Variants in PRKDC observed in about 807,000 individuals in gnomAD.
The protein encoded by PRKDC is protein kinase, DNA-activated, catalytic subunit, also known as DNA-dependent protein kinase catalytic subunit.
PRKDC carries 82 observed loss-of-function variants against 486.9 expected under a neutral mutation model. That is an observed-to-expected ratio of 0.17 (90% CI 0.14 to 0.20). The LOEUF is 0.20. Ranked by LOEUF, PRKDC falls within the 10% of genes least tolerant of loss-of-function variation. PRKDC has a pLI of 1.00. For synonymous variants in PRKDC, 1,895 were observed against 1,837.0 expected (o/e 1.03, Z -0.81); for missense variants, 4,504 against 5,038.2 (o/e 0.89, Z 3.21).
In PRKDC at chr8:47,889,225, G is replaced by A. The variant is rs1347801687; in HGVS notation, c.4072-3C>T. On this transcript the variant is annotated splice_region_variant and splice_polypyrimidine_tract_variant and intron_variant, in intron 32 of 85. Transcript: ENST00000314191. ...TTACACAAGTCCTTCTTCAGGAGCTGTAACAGATTGTTTGATAAAAACACT... is the reference window on the plus strand; with the variant it reads ...TTACACAAGTCCTTCTTCAGGAGCTATAACAGATTGTTTGATAAAAACACT... 6.3e-7 allele frequency: 1 copy of A among 1,589,664 alleles called. No homozygotes were observed. Among genetic ancestry groups the A allele is most frequent in the Non-Finnish European group, 8.6e-7 (1 of 1,167,216 alleles).
In PRKDC at chr8:47,929,937, T is replaced by C. The variant is rs375910031; in HGVS notation, c.1968A>G (p.Gln656=). Residue 656 remains glutamine (Q), a synonymous_variant, in exon 18 of 86, where the codon CAA becomes CAG. Coordinates refer to ENST00000314191, the MANE Select transcript of PRKDC (RefSeq NM_006904.7). ...CACTGATGAGGGGCAACCTTGTAGA[T>C]TGCAAAATTAATTCATATGAAAATG... ...VYSFSYELIL[Q]STRLPLISGF... 6.1e-5 allele frequency: 99 copies of C among 1,611,282 alleles called. No homozygotes were observed. The African/African-American group carries it at 6.9e-4, about 11-fold the overall frequency.
intron 41 of PRKDC, 101 bp downstream of exon 41, chr8:47,864,455 C>T (rs1048068256): frequency 1.8e-6 from 2 of 1,098,924 alleles, no homozygotes; most frequent in African/African-American, 1.6e-5. Flanking sequence ...TGGCACACTC[C>T]TTGAACAGCA....
At chr8:47,852,880 G>A in intron 51 of PRKDC, 96 bp from the exon 52 acceptor site, 4 of 797,980 alleles carry the variant, frequency 5.0e-6, no homozygotes, top group Admixed American at 4.9e-5. Context: ...CATATTGACA[G>A]CCTAAGTTGA....
chr8:47,876,956 C>T (rs2089104225), intron 40 of PRKDC, among the ~76,000 whole-genome samples: 1 of 152,218 alleles, frequency 6.6e-6, no homozygotes, highest in African/African-American at 2.4e-5. Flanking sequence ...GATCACCAGA[C>T]ATTATGCACC....
chr8:47,958,484 G>T (rs2090748648), intron 1 of PRKDC, among the ~76,000 whole-genome samples: 4 of 152,116 alleles, frequency 2.6e-5, no homozygotes, highest in Admixed American at 2.6e-4. Flanking sequence ...TGTGGTAATT[G>T]TTACAGCAGC....
chr8:47,826,629 C>A (rs749325666), intron 63 of PRKDC, 27 bp downstream of exon 63: 17 of 1,589,830 alleles, frequency 1.1e-5, no homozygotes, highest in Non-Finnish European at 1.4e-5. Flanking sequence ...CCAGTGTGCT[C>A]CCAAGAGCAC....
chr8:47,850,954 A>C lies in PRKDC; in HGVS notation c.7006-1451T>G, dbSNP rs187492896. Among the ~76,000 whole-genome samples, 1,046 of 152,126 alleles carry C rather than the reference A, an allele frequency of 6.9e-3. 9 individuals carry two copies. The highest frequency in any genetic ancestry group is 0.025 in the South Asian group (120 of 4,822). ...CCTCCCGAGTAGCTGGGATTATGGG[A>C]GTGTGCCACCATGCCCAGCTAATTT... On this transcript the variant is annotated intron_variant, in intron 52 of 85. Coordinates refer to ENST00000314191, the MANE Select transcript of PRKDC (RefSeq NM_006904.7).
At chr8:47,775,201 A>T (rs183033437) in intron 85 of PRKDC, among the ~76,000 whole-genome samples, 184 of 151,096 alleles carry the variant, frequency 1.2e-3, no homozygotes, top group African/African-American at 4.1e-3. Context: ...ATAAATAAAT[A>T]AATAAATAAA....
Position 47,839,169 on chromosome 8 carries a change from A to G in PRKDC, c.7532T>C (p.Ile2511Thr), listed in dbSNP as rs200452131. The G allele has an allele frequency of 7.4e-5, 119 of 1,613,484 alleles. No homozygotes were observed. The highest frequency in any genetic ancestry group is 9.6e-5 in the Non-Finnish European group (113 of 1,179,584). ...GTACTGAAGTCCAGGGTTCTCATCG[A>G]TCAATCCTTGAATCAGCACATCTTT... ...LAKDVLIQGL[I>T]DENPGLQLII... The change falls in exon 56 of 86, where the codon ATC becomes ACC. Residue 2511 changes from isoleucine to threonine, a missense_variant. Around this residue, in one of 6 missense-constraint regions of PRKDC, gnomAD observed 1,592 missense variants for 1,724.6 expected, o/e 0.92. Transcript: ENST00000314191.
At chr8:47,832,999 G>A (rs1273545782) in intron 59 of PRKDC, among the ~76,000 whole-genome samples, 1 of 152,166 alleles carries the variant, frequency 6.6e-6, no homozygotes, top group Admixed American at 6.5e-5. Flanking sequence ...GGGGCCCCAC[G>A]TATGGAGCTC....
At chr8:47,834,963 T>C (rs933733325) in intron 58 of PRKDC, among the ~76,000 whole-genome samples, 1 of 152,200 alleles carries the variant, frequency 6.6e-6, no homozygotes, top group Non-Finnish European at 1.5e-5. Context: ...GTGCTGGGAT[T>C]ACAGGCGTGA....
At chr8:47,953,756 G>C in intron 6 of PRKDC, 37 bp from the exon 7 acceptor site, 2 of 1,586,268 alleles carry the variant, frequency 1.3e-6, no homozygotes, top group Non-Finnish European at 8.6e-7. Context: ...CATTACAAGA[G>C]AAAAACACAA....
At chr8:47,859,086 A>G in intron 46 of PRKDC, 100 bp from the exon 47 acceptor site, 1 of 1,258,430 alleles carries the variant, frequency 7.9e-7, no homozygotes, top group Non-Finnish European at 1.1e-6. Context: ...AGCATATAAC[A>G]AACACTTAGG....
At position 47,774,085 on chromosome 8, in the gene PRKDC, G is replaced by A. The variant is rs1367096354; in HGVS notation, c.*88C>T. 7.5e-7 allele frequency: 1 copy of A among 1,327,778 alleles called. No individual in the cohort carries two copies. The highest frequency in any genetic ancestry group is 1.5e-5 in the African/African-American group (1 of 67,410). The allele number at this position is 1,327,778 out of a possible 1,614,324, so 82.2% of individuals were successfully genotyped here. A position where few individuals can be genotyped will look rare whatever the true frequency, so the allele number is the denominator to read the frequency against. On this transcript the variant is annotated 3_prime_UTR_variant, in exon 86 of 86. Transcript: ENST00000314191. Reference sequence around the variant, plus strand: ...AAGACATTTCTCTTTAGTGTTTCAGGAAAATCAGCTCATGGAATGCTGCCA... The same window carrying A: ...AAGACATTTCTCTTTAGTGTTTCAGAAAAATCAGCTCATGGAATGCTGCCA...
intron 31 of PRKDC, among the ~76,000 whole-genome samples, chr8:47,891,161 C>T (rs2089447885): frequency 6.6e-6 from 1 of 152,212 alleles, no homozygotes. Context: ...CCCACCCTCA[C>T]CTCTCTCCAG....
At chr8:47,804,796 CTT>C (rs1162485347) in intron 69 of PRKDC, among the ~76,000 whole-genome samples, 2 of 151,898 alleles carry the variant, frequency 1.3e-5, no homozygotes, top group African/African-American at 4.8e-5. Context: ...AAGTTTTGCT[CTT>C]GTCACCAGGC....
chr8:47,860,860 C>T lies in PRKDC; in HGVS notation c.6058+39G>A, dbSNP rs368224372. ...AACAAAACAAAACAAAATAACCCAT[C>T]GATTTGAATCCTTTCTCATGATTTT... On this transcript the variant is annotated intron_variant, in intron 45 of 85. Transcript: ENST00000314191. 5.6e-4 allele frequency: 839 copies of T among 1,493,110 alleles called. 2 individuals carry two copies. The highest frequency in any genetic ancestry group is 7.1e-4 in the Non-Finnish European group (776 of 1,085,500). The allele number at this position is 1,493,110 out of a possible 1,614,324, so 92.5% of individuals were successfully genotyped here. A position where few individuals can be genotyped will look rare whatever the true frequency, so the allele number is the denominator to read the frequency against.
At position 47,773,131 on chromosome 8, in the gene PRKDC, A is replaced by C. The variant is rs1016472963; in HGVS notation, c.*1042T>G. On this transcript the variant is annotated 3_prime_UTR_variant, in exon 86 of 86. Coordinates refer to ENST00000314191, the MANE Select transcript of PRKDC (RefSeq NM_006904.7). ...ACTACTTTTGGAAAAAAACTTTATT[A>C]AACACTCAAGAGTATACTTCTCAAA... is the stretch of plus-strand genomic sequence containing the variant. The C allele has an allele frequency of 9.9e-6, 2 of 201,828 alleles. No homozygotes were observed. The highest frequency in any genetic ancestry group is 4.6e-5 in the African/African-American group (2 of 43,504). The allele number at this position is 201,828 out of a possible 1,614,324, so 12.5% of individuals were successfully genotyped here.
rs769964015 is a variant in PRKDC at position 47,831,945 on chromosome 8, C to T, written c.8153-19G>A. 1 of 1,597,140 alleles carries T rather than the reference C, an allele frequency of 6.3e-7. No homozygotes were observed. Among genetic ancestry groups the T allele is most frequent in the South Asian group, 1.1e-5 (1 of 90,448 alleles). On this transcript the variant is annotated intron_variant, in intron 59 of 85. Transcript: ENST00000314191. Reference sequence around the variant, plus strand: ...GCCGCACCTGGAGAGGGAAAGCAGGCCCAGTTACTCCCCGCCGCCCAGACA... The same window carrying T: ...GCCGCACCTGGAGAGGGAAAGCAGGTCCAGTTACTCCCCGCCGCCCAGACA...
Sources: gnomAD v4.1 joint callset for allele counts (sites outside exome capture counted in the v4.1 genomes callset) on GRCh38, gnomAD v4.1.1 for gene constraint, gnomAD v4.1.1 regional missense constraint, MANE v1.5 for transcripts, NCBI Gene and HGNC (gene_info 2026-07-23, HGNC 2026-07-21) for gene names.